Variants in SPOUT1 observed in about 807,000 individuals in gnomAD.
SPOUT1 encodes 28S rRNA (uridine-N(3))-methyltransferase.
Under a neutral mutation model 54.8 loss-of-function variants are expected in SPOUT1, and 40 were observed. That is an observed-to-expected ratio of 0.73 (90% CI 0.57 to 0.95). The LOEUF (loss-of-function observed/expected upper bound fraction) is 0.95. SPOUT1 is among the 40% of genes least tolerant of loss of function. The probability of loss-of-function intolerance (pLI) is 0.00; values close to 1 mark genes in which losing one functional copy is unlikely to be tolerated. For synonymous variants in SPOUT1, 193 were observed against 200.3 expected, an observed-to-expected ratio of 0.96 and a Z score of 0.31; for missense variants, 437 against 499.5, an observed-to-expected ratio of 0.87 and a Z score of 1.19.
chr9:128,829,473 C>T (rs1830308711), intron 1 of SPOUT1, among the ~76,000 whole-genome samples: 1 of 152,190 alleles, frequency 6.6e-6, no homozygotes, highest in Non-Finnish European at 1.5e-5. Context: ...CCAGAAGCCA[C>T]GAAAGGGCTC....
chr9:128,826,353 G>A lies in SPOUT1; in HGVS notation c.508+31C>T. 6.2e-7 allele frequency: 1 copy of A among 1,611,542 alleles called. No homozygotes were observed. The highest frequency in any genetic ancestry group is 2.2e-5 in the East Asian group (1 of 44,844). The stretch of plus-strand genomic sequence containing the variant: ...TCAGTGTCTGTGGCATGATCCAGGG[G>A]AAATGGGGGGGCGGGCCCATACAGC... On this transcript the variant is annotated intron_variant, in intron 6 of 11. Coordinates refer to ENST00000361256, the MANE Select transcript of SPOUT1 (RefSeq NM_016390.4). The surrounding 1 kb of genome is among the most constrained non-coding windows in gnomAD (Gnocchi z 5.5).
In SPOUT1 at chr9:128,826,244, A is replaced by G; in HGVS notation, c.509-92T>C. 6.4e-7 allele frequency: 1 copy of G among 1,553,772 alleles called. No homozygotes were observed. The highest frequency in any genetic ancestry group is 2.3e-5 in the East Asian group (1 of 44,386). On this transcript the variant is annotated intron_variant, in intron 6 of 11. Coordinates refer to ENST00000361256, the MANE Select transcript of SPOUT1 (RefSeq NM_016390.4). This position sits in a 1 kb window ranked among gnomAD's most constrained non-coding sequence, Gnocchi z 5.5. The stretch of plus-strand genomic sequence containing the variant: ...GAGCGGAGTACCGGCTCTGCCACAG[A>G]CCTGCGTCTTGGCATCAGACACAGG...
chr9:128,825,012 C>T lies in SPOUT1; in HGVS notation c.677G>A (p.Arg226Gln), dbSNP rs867945571. ...CTGCTGGTTCAGTCGCACAGTCACC[C>T]GAAGCCCGGGCTCCAGGTTCTTGTC... ...KIDKNLEPGLRVTVRLNQQQH... is the reference protein window; with the variant it reads ...KIDKNLEPGLQVTVRLNQQQH... The change falls in exon 8 of 12, where the codon CGG becomes CAG. Residue 226 changes from arginine (R) to glutamine (Q), a missense_variant. By Grantham distance (43) the Arg-to-Gln change is conservative. Coordinates refer to ENST00000361256, the MANE Select transcript of SPOUT1 (RefSeq NM_016390.4). The T allele has an allele frequency of 6.3e-6, 10 of 1,584,742 alleles. No individual in the cohort carries two copies. The highest frequency in any genetic ancestry group is 8.6e-6 in the Non-Finnish European group (10 of 1,164,970).
In SPOUT1 at chr9:128,828,737, C is replaced by T. The variant is rs1438755314; in HGVS notation, c.206G>A (p.Arg69His). 1 of 1,613,476 alleles carries T rather than the reference C, an allele frequency of 6.2e-7. No individual in the cohort carries two copies. Among genetic ancestry groups the T allele is most frequent in the Non-Finnish European group, 8.5e-7 (1 of 1,180,000 alleles). ...EEEAAAEKED[R>H]GRPYTLSVAL... is the part of the protein sequence containing the mutation. ...CCCTCCCCAAGACCCCAGCTCACCG[C>T]GGTCCTCCTTCTCTGCCGCTGCCTC... Residue 69 changes from arginine (R) to histidine (H), a missense_variant and splice_region_variant, in exon 3 of 12, where the codon CGC becomes CAC. Transcript: ENST00000361256.
chr9:128,820,972 G>A lies in SPOUT1; in HGVS notation c.*1793C>T. The stretch of plus-strand genomic sequence containing the variant: ...CAGTTCCCTACTCATCTGGTTTCTT[G>A]GCAAGCCTGTCAGCTTCCCTGCCTC... On this transcript the variant is annotated 3_prime_UTR_variant, in exon 12 of 12. Coordinates refer to ENST00000361256, the MANE Select transcript of SPOUT1 (RefSeq NM_016390.4). 1 of 850,192 alleles carries A rather than the reference G, an allele frequency of 1.2e-6. No homozygotes were observed. The allele number at this position is 850,192 out of a possible 1,614,324, so 52.7% of individuals were successfully genotyped here.
In SPOUT1 at chr9:128,822,367, C is replaced by T. The variant is rs141194619; in HGVS notation, c.*398G>A. On this transcript the variant is annotated 3_prime_UTR_variant, in exon 12 of 12. Coordinates refer to ENST00000361256, the MANE Select transcript of SPOUT1 (RefSeq NM_016390.4). ...GGAAATCCTACGTAAAGTACCAGGT[C>T]ATCGGCAAGAACCACGTGGCAGTGC... is the stretch of plus-strand genomic sequence containing the variant. 214 of 1,613,990 alleles carry T rather than the reference C, an allele frequency of 1.3e-4. No individual in the cohort carries two copies. Among genetic ancestry groups the T allele is most frequent in the African/African-American group, 7.5e-4 (56 of 75,064 alleles).
intron 3 of SPOUT1, 57 bp from the exon 4 acceptor site, chr9:128,827,248 C>A: frequency 6.7e-7 from 1 of 1,486,440 alleles, no homozygotes; most frequent in Non-Finnish European, 9.2e-7. Flanking sequence ...CCCTACCTTT[C>A]TCTCCCTTCC....
Position 128,822,058 on chromosome 9 carries a change from C to T in SPOUT1, c.*707G>A. 1 of 511,334 alleles carries T rather than the reference C, an allele frequency of 2.0e-6. No individual in the cohort carries two copies. The highest frequency in any genetic ancestry group is 2.2e-5 in the South Asian group (1 of 45,436). 31.7% of individuals were successfully genotyped at this position (511,334 alleles called of 1,614,324 possible). On this transcript the variant is annotated 3_prime_UTR_variant, in exon 12 of 12. Coordinates refer to ENST00000361256, the MANE Select transcript of SPOUT1 (RefSeq NM_016390.4). Reference sequence around the variant, plus strand: ...CTCCCCTCAGACGAATGTGAATATTCAGAAGGCTCGATTCTCCTAGCAGCG... The same window carrying T: ...CTCCCCTCAGACGAATGTGAATATTTAGAAGGCTCGATTCTCCTAGCAGCG...
chr9:128,828,741 C>T lies in SPOUT1; in HGVS notation c.202G>A (p.Asp68Asn). 6.2e-7 allele frequency: 1 copy of T among 1,613,716 alleles called. No individual in the cohort carries two copies. The highest frequency in any genetic ancestry group is 8.5e-7 in the Non-Finnish European group (1 of 1,180,028). The change falls in exon 3 of 12, where the codon GAC becomes AAC. Residue 68 changes from aspartate to asparagine, a missense_variant. By Grantham distance (23) the Asp-to-Asn change is conservative. Transcript: ENST00000361256. The part of the protein sequence containing the change: ...EEEEAAAEKE[D>N]RGRPYTLSVA... ...CCCCAAGACCCCAGCTCACCGCGGT[C>T]CTCCTTCTCTGCCGCTGCCTCCTCC... is the stretch of plus-strand genomic sequence containing the variant.
Position 128,821,421 on chromosome 9 carries a change from A to ACGCC in SPOUT1, c.*1343_*1344insGGCG, listed in dbSNP as rs1338837062. The ACGCC allele has an allele frequency of 8.9e-6, 1 of 112,226 alleles. No individual in the cohort carries two copies. Among genetic ancestry groups the ACGCC allele is most frequent in the Non-Finnish European group, 1.9e-5 (1 of 53,816 alleles). The allele number at this position is 112,226 out of a possible 1,614,324, so 7.0% of individuals were successfully genotyped here. ...CAGGTCCCCAGTGCACCGAGCTCTCATGCCTTCCCCCTGCAGGTCCGCGGT... is the reference window on the plus strand; with the variant it reads ...CAGGTCCCCAGTGCACCGAGCTCTCACGCCTGCCTTCCCCCTGCAGGTCCGCGGT... On this transcript the variant is annotated 3_prime_UTR_variant, in exon 12 of 12. Coordinates refer to ENST00000361256, the MANE Select transcript of SPOUT1 (RefSeq NM_016390.4).
chr9:128,827,868 C>T (rs1830271541), intron 3 of SPOUT1, among the ~76,000 whole-genome samples: 1 of 152,118 alleles, frequency 6.6e-6, no homozygotes, highest in South Asian at 2.1e-4. Flanking sequence ...TTGCAGTGAG[C>T]GGAGATCGAG....
chr9:128,828,258 G>T (rs1450091346), intron 3 of SPOUT1, among the ~76,000 whole-genome samples: 1 of 152,196 alleles, frequency 6.6e-6, no homozygotes, highest in Non-Finnish European at 1.5e-5. Context: ...CACTTTGGGA[G>T]GCTGAAGTGG....
rs1830071530 is a variant in SPOUT1 at position 128,819,874 on chromosome 9, T to A, written c.*2891A>T. ...CAGTTCACCATAGGGTTCCAGCTCC[T>A]ATGACAATCTCCAGCCGCCACTGAT... On this transcript the variant is annotated 3_prime_UTR_variant, in exon 12 of 12. Transcript: ENST00000361256. The A allele has an allele frequency of 6.6e-6, 1 of 151,980 alleles. No individual in the cohort carries two copies. Among genetic ancestry groups the A allele is most frequent in the Admixed American group, 6.6e-5 (1 of 15,068 alleles). 9.4% of individuals were successfully genotyped at this position (151,980 alleles called of 1,614,324 possible).
rs374498686 is a variant in SPOUT1, at chr9:128,826,702, G to A, written c.369-73C>T. 543 of 1,090,948 alleles carry A rather than the reference G, an allele frequency of 5.0e-4. No individual in the cohort carries two copies. The highest frequency in any genetic ancestry group is 6.5e-4 in the Non-Finnish European group (490 of 753,944). 67.6% of individuals were successfully genotyped at this position (1,090,948 alleles called of 1,614,324 possible). On this transcript the variant is annotated intron_variant, in intron 4 of 11. Coordinates refer to ENST00000361256, the MANE Select transcript of SPOUT1 (RefSeq NM_016390.4). This position sits in a 1 kb window ranked among gnomAD's most constrained non-coding sequence, Gnocchi z 5.5. ...AGAGCTCCTGTCTACAAGTGCACGC[G>A]TATAATCCCAGCTACTCAGGAGGCT...
intron 2 of SPOUT1, 77 bp from the exon 3 acceptor site, chr9:128,828,937 T>C (rs898367361): frequency 5.4e-5 from 86 of 1,597,694 alleles, no homozygotes; most frequent in Non-Finnish European, 7.2e-5. Context: ...GGAGAGCTGC[T>C]GGGTGAGCAG....
Position 128,821,033 on chromosome 9 carries a change from G to A in SPOUT1, c.*1732C>T. 1 of 608,296 alleles carries A rather than the reference G, an allele frequency of 1.6e-6. No individual in the cohort carries two copies. The allele number at this position is 608,296 out of a possible 1,614,324, so 37.7% of individuals were successfully genotyped here. On this transcript the variant is annotated 3_prime_UTR_variant, in exon 12 of 12. Coordinates refer to ENST00000361256, the MANE Select transcript of SPOUT1 (RefSeq NM_016390.4). The stretch of plus-strand genomic sequence containing the variant: ...ATTCCACCTCCACAGCCAAAGACCT[G>A]TCGGGTACCCCTGACCATCTCTCCT...
rs1424518048 is a variant in SPOUT1 at position 128,821,124 on chromosome 9, G to C, written c.*1641C>G. 2.0e-6 allele frequency: 1 copy of C among 499,180 alleles called. No homozygotes were observed. The highest frequency in any genetic ancestry group is 1.9e-5 in the African/African-American group (1 of 51,886). 30.9% of individuals were successfully genotyped at this position (499,180 alleles called of 1,614,324 possible). Reference sequence around the variant, plus strand: ...TCTCCCTGCTGTCACCTCTTGGCATGCCCACCCAATCTTGTTCTGCCAATA... The same window carrying C: ...TCTCCCTGCTGTCACCTCTTGGCATCCCCACCCAATCTTGTTCTGCCAATA... On this transcript the variant is annotated 3_prime_UTR_variant, in exon 12 of 12. Coordinates refer to ENST00000361256, the MANE Select transcript of SPOUT1 (RefSeq NM_016390.4).
intron 7 of SPOUT1, among the ~76,000 whole-genome samples, 194 bp from the exon 8 acceptor site, chr9:128,825,243 C>G (rs996717396): frequency 6.6e-6 from 1 of 152,222 alleles, no homozygotes; most frequent in Non-Finnish European, 1.5e-5. Context: ...AGGTCACTGG[C>G]CAAACATGCA....
chr9:128,824,231 T>C (rs1290343950), intron 9 of SPOUT1, 57 bp from the exon 10 acceptor site: 1 of 913,642 alleles, frequency 1.1e-6, no homozygotes, highest in African/African-American at 1.6e-5. Flanking sequence ...TAGCTCCGGG[T>C]ATTATGTGTG....
Sources: gnomAD v4.1 joint callset for allele counts (sites outside exome capture counted in the v4.1 genomes callset) on GRCh38, gnomAD v4.1.1 for gene constraint, Gnocchi (gnomAD v3.1) non-coding constraint, MANE v1.5 for transcripts, NCBI Gene and HGNC (gene_info 2026-07-23, HGNC 2026-07-21) for gene names.